GALNT14: variants seen among roughly 807,000 people sequenced by gnomAD.
GALNT14 encodes polypeptide N-acetylgalactosaminyltransferase 14.
Under a neutral mutation model 77.5 loss-of-function variants are expected in GALNT14, and 60 were observed. The ratio of observed to expected loss-of-function variants is 0.77; its 90% confidence interval spans 0.63 to 0.96. The LOEUF (loss-of-function observed/expected upper bound fraction) is 0.96. Among genes scored for constraint, GALNT14 ranks in the 40% least tolerant of loss-of-function variants. The pLI, the probability that GALNT14 is intolerant of heterozygous loss-of-function variation, is 0.00. For synonymous variants in GALNT14, 280 were observed against 281.7 expected, an observed-to-expected ratio of 0.99 and a Z score of 0.06; for missense variants, 710 against 731.0, an observed-to-expected ratio of 0.97 and a Z score of 0.33.
the GALNT14 span, among the ~76,000 whole-genome samples, chr2:30,897,663 A>G: frequency 6.6e-6 from 1 of 152,128 alleles, no homozygotes; most frequent in African/African-American, 2.4e-5. Context: ...ACGCACACAC[A>G]CTGCGCATGG....
chr2:31,116,430 A>G (rs1055207206), intron 1 of GALNT14, among the ~76,000 whole-genome samples: 3 of 152,168 alleles, frequency 2.0e-5, no homozygotes, highest in African/African-American at 7.2e-5. Context: ...TATGCCATAA[A>G]GAAAAATTAA....
chr2:30,906,661 G>T (rs1355994850), downstream of GALNT14, among the ~76,000 whole-genome samples: 3 of 151,718 alleles, frequency 2.0e-5, no homozygotes, highest in African/African-American at 4.8e-5. Context: ...GAGACAGAAA[G>T]TCAACAAGGA....
intron 1 of GALNT14, among the ~76,000 whole-genome samples, chr2:31,034,155 T>C (rs189253993): frequency 1.6e-4 from 25 of 152,296 alleles, no homozygotes. Flanking sequence ...AAGGTCCAAA[T>C]AGCCATCAAA....
intron 1 of GALNT14, among the ~76,000 whole-genome samples, chr2:31,027,019 A>G (rs1672099396): frequency 6.6e-6 from 1 of 152,240 alleles, no homozygotes; most frequent in Admixed American, 6.5e-5. Context: ...CATGCCTTTA[A>G]AAGGTAAAAT....
At chr2:30,921,811 C>T (rs1665048837) in intron 13 of GALNT14, among the ~76,000 whole-genome samples, 1 of 152,120 alleles carries the variant, frequency 6.6e-6, no homozygotes, top group African/African-American at 2.4e-5. Context: ...TTTTGATGGC[C>T]GTGACTTGTG....
intron 13 of GALNT14, among the ~76,000 whole-genome samples, chr2:30,917,076 CAAAAAAAAAAAAAAAAA>C (rs529653696): frequency 5.0e-5 from 1 of 19,908 alleles, no homozygotes; most frequent in South Asian, 2.6e-3. Flanking sequence ...GACTCCGTCT[CAAAAAAAAAAAAAAAAA>C]AAAAAAAAAA....
In GALNT14 at chr2:30,992,951, C is replaced by G. The variant is rs200550781; in HGVS notation, c.186G>C (p.Leu62=). Residue 62 remains leucine (L), a synonymous_variant, in exon 2 of 15, where the codon CTG becomes CTC. Coordinates refer to ENST00000349752, the MANE Select transcript of GALNT14 (RefSeq NM_024572.4). The part of the protein sequence containing the change: ...LWDQFDERRY[L]NAKKWRVGDD... ...CACCAACGCGCCACTTTTTGGCATTCAGATACCGCCGCTCATCAAACTGGT... is the reference window on the plus strand; with the variant it reads ...CACCAACGCGCCACTTTTTGGCATTGAGATACCGCCGCTCATCAAACTGGT... 1 of 1,614,160 alleles carries G rather than the reference C, an allele frequency of 6.2e-7. No individual in the cohort carries two copies. Among genetic ancestry groups the G allele is most frequent in the East Asian group, 2.2e-5 (1 of 44,870 alleles).
At chr2:30,987,409 G>A (rs1384785791) in intron 2 of GALNT14, among the ~76,000 whole-genome samples, 2 of 152,126 alleles carry the variant, frequency 1.3e-5, no homozygotes, top group Non-Finnish European at 2.9e-5. Flanking sequence ...TCCTAAGAAA[G>A]GCTCAAAGCC....
chr2:31,120,009 A>G lies in GALNT14; in HGVS notation c.129+17949T>C, dbSNP rs1260885828. Reference sequence around the variant, plus strand: ...GTCTCTACTAAAAATACAAAAAATTAGCCGGGCGTGGTAGCGGGCGCCTGT... The same window carrying G: ...GTCTCTACTAAAAATACAAAAAATTGGCCGGGCGTGGTAGCGGGCGCCTGT... On this transcript the variant is annotated intron_variant, in intron 1 of 14. Coordinates refer to ENST00000349752, the MANE Select transcript of GALNT14 (RefSeq NM_024572.4). 1.6e-5 allele frequency among the ~76,000 whole-genome samples: 2 copies of G among 124,008 alleles called. 1 individual carries two copies. Among genetic ancestry groups the G allele is most frequent in the Non-Finnish European group, 3.7e-5 (2 of 53,664 alleles). The allele number at this position is 124,008 out of a possible 152,430, so 81.4% of individuals were successfully genotyped here.
Position 31,138,096 on chromosome 2 carries a change from T to G in GALNT14, c.-10A>C. 1 of 1,613,470 alleles carries G rather than the reference T, an allele frequency of 6.2e-7. No individual in the cohort carries two copies. The highest frequency in any genetic ancestry group is 8.5e-7 in the Non-Finnish European group (1 of 1,179,704). ...GAGTCAGGCGCCGCATGGTCCCCTT[T>G]GCCGCTTCCTCTCCGCGGCGCTACG... On this transcript the variant is annotated 5_prime_UTR_variant, in exon 1 of 15. Coordinates refer to ENST00000349752, the MANE Select transcript of GALNT14 (RefSeq NM_024572.4).
At chr2:30,925,972 C>T (rs1449772671) in intron 11 of GALNT14, among the ~76,000 whole-genome samples, 1 of 152,142 alleles carries the variant, frequency 6.6e-6, no homozygotes, top group Non-Finnish European at 1.5e-5. Flanking sequence ...GCCTCCACAC[C>T]TCTCGGCACC....
chr2:30,906,591 C>G (rs1330044737), downstream of GALNT14, among the ~76,000 whole-genome samples: 1 of 151,060 alleles, frequency 6.6e-6, no homozygotes, highest in African/African-American at 2.4e-5. Flanking sequence ...GAGACTTAGA[C>G]TCCCACACAT....
At chr2:31,114,684 G>C (rs1678011501) in intron 1 of GALNT14, 2 of 697,942 alleles carry the variant, frequency 2.9e-6, no homozygotes, top group Non-Finnish European at 5.3e-6. Flanking sequence ...TCCCAGAAGG[G>C]GAAAAAGGAA....
the GALNT14 span, among the ~76,000 whole-genome samples, chr2:30,888,492 T>A: frequency 6.6e-6 from 1 of 152,222 alleles, no homozygotes; most frequent in East Asian, 1.9e-4. Context: ...TTAAGAAGAG[T>A]GGCCAGCATG....
At chr2:30,958,341 A>G (rs1170920625) in intron 4 of GALNT14, 56 bp downstream of exon 4, 1 of 1,471,518 alleles carries the variant, frequency 6.8e-7, no homozygotes, top group Non-Finnish European at 9.5e-7. Flanking sequence ...TGCCTGTTAC[A>G]GAGTGGCTGG....
chr2:31,068,042 G>C (rs1216593226), intron 1 of GALNT14, among the ~76,000 whole-genome samples: 3 of 152,100 alleles, frequency 2.0e-5, no homozygotes, highest in African/African-American at 4.8e-5. Context: ...CCTGCCTCAA[G>C]ACAGACTCTT....
At chr2:30,961,032 T>G (rs916948841) in intron 3 of GALNT14, among the ~76,000 whole-genome samples, 3 of 152,212 alleles carry the variant, frequency 2.0e-5, no homozygotes, top group African/African-American at 7.2e-5. Flanking sequence ...CCCTAACTAT[T>G]GGCCCTCAAG....
intron 1 of GALNT14, among the ~76,000 whole-genome samples, chr2:31,129,947 C>T (rs746758878): frequency 6.6e-6 from 1 of 152,112 alleles, no homozygotes; most frequent in East Asian, 1.9e-4. Context: ...GCATGCAGAT[C>T]GGGTTGCAAG....
chr2:31,135,558 AT>A (rs1190343669), intron 1 of GALNT14, among the ~76,000 whole-genome samples: 1 of 152,212 alleles, frequency 6.6e-6, no homozygotes, highest in Non-Finnish European at 1.5e-5. Context: ...AGGTGTCAAG[AT>A]TTTCTAAGTC....
Sources: gnomAD v4.1 joint callset for allele counts (sites outside exome capture counted in the v4.1 genomes callset) on GRCh38, gnomAD v4.1.1 for gene constraint, MANE v1.5 for transcripts, NCBI Gene and HGNC (gene_info 2026-07-23, HGNC 2026-07-21) for gene names.